Variants in SYT10 observed in about 807,000 individuals in gnomAD.
The protein encoded by SYT10 is synaptotagmin-10.
Under a neutral mutation model 51.1 loss-of-function variants are expected in SYT10, and 31 were observed. The ratio of observed to expected loss-of-function variants is 0.61; its 90% CI spans 0.46 to 0.82. The LOEUF (loss-of-function observed/expected upper bound fraction) is 0.82. Ranked by LOEUF, SYT10 falls within the 40% of genes least tolerant of loss-of-function variation. The pLI is 0.00. For missense variants in SYT10, 603 were observed against 634.0 expected, an observed-to-expected ratio of 0.95 and a Z score of 0.53; for synonymous variants, 233 against 225.9, an observed-to-expected ratio of 1.03 and a Z score of -0.28.
chr12:33,417,836 A>G (rs1008257917), intron 2 of SYT10, among the ~76,000 whole-genome samples: 1 of 152,194 alleles, frequency 6.6e-6, no homozygotes, highest in African/African-American at 2.4e-5. Context: ...TTGACCATGG[A>G]ATTGAAACTA....
chr12:33,439,491 C>G lies in SYT10; in HGVS notation c.32G>C (p.Ser11Thr). 6.2e-7 allele frequency: 1 copy of G among 1,614,002 alleles called. No individual in the cohort carries two copies. ...GATGTGCAGAGCCTTCTGGCACAGA[C>G]TGTTCACTCCGTCCTCCTTGTGGAA... MSFHKEDGVN[S>T]LCQKALHIVT... is the part of the protein sequence containing the mutation. The change falls in exon 1 of 7, where the codon AGT (serine) becomes ACT (threonine). Residue 11 changes from serine (S) to threonine (T), a missense_variant. Ser to Thr is a moderately conservative substitution (Grantham distance 58, BLOSUM62 1). Transcript: ENST00000228567.
At position 33,376,645 on chromosome 12, in the gene SYT10, C is replaced by G; in HGVS notation, c.*185G>C. 1.6e-6 allele frequency: 1 copy of G among 638,638 alleles called. No individual in the cohort carries two copies. The highest frequency in any genetic ancestry group is 2.7e-6 in the Non-Finnish European group (1 of 375,054). The allele number at this position is 638,638 out of a possible 1,614,324, so 39.6% of individuals were successfully genotyped here. A position where few individuals can be genotyped will look rare whatever the true frequency, so the allele number is the denominator to read the frequency against. On this transcript the variant is annotated 3_prime_UTR_variant, in exon 7 of 7. Transcript: ENST00000228567. The stretch of plus-strand genomic sequence containing the variant: ...TATGCAACTAAGGACTATATGTATT[C>G]AAGTAAAATGTATTGATGTTCAAAG...
chr12:33,419,968 G>A (rs2138427027), intron 2 of SYT10, among the ~76,000 whole-genome samples: 1 of 152,196 alleles, frequency 6.6e-6, no homozygotes, highest in South Asian at 2.1e-4. Flanking sequence ...CATAATTCTA[G>A]CTCTGGATCT....
rs767978313 is a variant in SYT10 at position 33,374,564 on chromosome 12, T to G, written c.*2266A>C. The G allele has an allele frequency of 6.6e-6, 1 of 151,916 alleles. No homozygotes were observed. Among genetic ancestry groups the G allele is most frequent in the African/African-American group, 2.4e-5 (1 of 41,432 alleles). 9.4% of individuals were successfully genotyped at this position (151,916 alleles called of 1,614,324 possible). A position where few individuals can be genotyped will look rare whatever the true frequency, so the allele number is the denominator to read the frequency against. On this transcript the variant is annotated 3_prime_UTR_variant, in exon 7 of 7. Transcript: ENST00000228567. ...ACTGTCATTTTTAACAATCATGCCT[T>G]ATTAATCTGAGCATAAACCTACCTC...
intron 3 of SYT10, among the ~76,000 whole-genome samples, chr12:33,403,665 T>C (rs1866325947): frequency 6.6e-6 from 1 of 152,200 alleles, no homozygotes; most frequent in South Asian, 2.1e-4. Flanking sequence ...TGCATTTCTT[T>C]TTATTTATTT....
rs1378603255 is a variant in SYT10 at position 33,376,215 on chromosome 12, T to A, written c.*615A>T. ...TTATATTCAAAATGATTCTTTAAAT[T>A]TACAGCTTTGTCTATGTATTTTAAA... On this transcript the variant is annotated 3_prime_UTR_variant, in exon 7 of 7. Transcript: ENST00000228567. 6.6e-6 allele frequency: 1 copy of A among 152,238 alleles called. No individual in the cohort carries two copies. Among genetic ancestry groups the A allele is most frequent in the Non-Finnish European group, 1.5e-5 (1 of 68,046 alleles). The allele number at this position is 152,238 out of a possible 1,614,324, so 9.4% of individuals were successfully genotyped here. A position where few individuals can be genotyped will look rare whatever the true frequency, so the allele number is the denominator to read the frequency against.
rs558944505 is a variant in SYT10, at chr12:33,418,056, C to T, written c.509+8082G>A. 1.3e-5 allele frequency among the ~76,000 whole-genome samples: 2 copies of T among 152,304 alleles called. 1 individual carries two copies. The highest frequency in any genetic ancestry group is 4.1e-4 in the South Asian group (2 of 4,826). On this transcript the variant is annotated intron_variant, in intron 2 of 6. Coordinates refer to ENST00000228567, the MANE Select transcript of SYT10 (RefSeq NM_198992.4). ...GAAAGAGTTGAGGACAGTATATTCA[C>T]TGTTCAAATTCTATTTAAACTTACT...
At chr12:33,421,414 G>C (rs1173143846) in intron 2 of SYT10, among the ~76,000 whole-genome samples, 1 of 152,090 alleles carries the variant, frequency 6.6e-6, no homozygotes, top group Non-Finnish European at 1.5e-5. Context: ...TATTTTGCCA[G>C]TTACTATTCA....
chr12:33,399,063 T>A (rs1176172028), intron 3 of SYT10, among the ~76,000 whole-genome samples: 2 of 152,200 alleles, frequency 1.3e-5, no homozygotes. Flanking sequence ...GGAGTTATAA[T>A]CTTTACCAGT....
chr12:33,433,590 C>T (rs963154098), intron 1 of SYT10, among the ~76,000 whole-genome samples: 1 of 152,078 alleles, frequency 6.6e-6, no homozygotes, highest in African/African-American at 2.4e-5. Flanking sequence ...TGACACAAAT[C>T]AATTATATTT....
At chr12:33,430,701 C>T (rs1057303467) in intron 1 of SYT10, among the ~76,000 whole-genome samples, 1 of 152,036 alleles carries the variant, frequency 6.6e-6, no homozygotes, top group Non-Finnish European at 1.5e-5. Context: ...TAATTTAGTT[C>T]ATCGGTATTC....
intron 6 of SYT10, among the ~76,000 whole-genome samples, 157 bp from the exon 7 acceptor site, chr12:33,377,058 T>C (rs1423290947): frequency 6.6e-6 from 1 of 152,194 alleles, no homozygotes; most frequent in Admixed American, 6.5e-5. Context: ...ACTTACCTTC[T>C]CTGCTACCAT....
intron 6 of SYT10, among the ~76,000 whole-genome samples, chr12:33,379,498 T>C (rs138368802): frequency 8.6e-6 from 1 of 116,868 alleles, no homozygotes; most frequent in South Asian, 2.9e-4. Context: ...CAGTTAGTAA[T>C]AAACTTATTA....
chr12:33,429,471 T>C (rs1216811043), intron 1 of SYT10, among the ~76,000 whole-genome samples: 1 of 152,212 alleles, frequency 6.6e-6, no homozygotes, highest in Non-Finnish European at 1.5e-5. Context: ...TCTTTCAAAA[T>C]TGGAGACCAA....
chr12:33,408,410 A>G (rs1866377709), intron 2 of SYT10: 1 of 152,188 alleles, frequency 6.6e-6, no homozygotes, highest in African/African-American at 2.4e-5. Context: ...AGTCACTATT[A>G]CTACTCATCT....
At position 33,439,348 on chromosome 12, in the gene SYT10, C is replaced by A. The variant is rs947995962; in HGVS notation, c.151+24G>T. On this transcript the variant is annotated intron_variant, in intron 1 of 6. Transcript: ENST00000228567. ...GCGGGGTCCCAGCGGAGCGCGAGGA[C>A]GCGAGCGGAGCCCTCCCGGTTACCT... 3 of 1,601,556 alleles carry A rather than the reference C, an allele frequency of 1.9e-6. No homozygotes were observed. In the Admixed American group the frequency reaches 5.1e-5, roughly 27 times the overall value.
At chr12:33,437,690 T>C (rs1469232865) in intron 1 of SYT10, among the ~76,000 whole-genome samples, 2 of 152,136 alleles carry the variant, frequency 1.3e-5, no homozygotes, top group African/African-American at 4.8e-5. Context: ...TCGTCCAGTG[T>C]AGCCCCTTCT....
At chr12:33,396,351 A>G (rs960437671) in intron 3 of SYT10, among the ~76,000 whole-genome samples, 1 of 152,190 alleles carries the variant, frequency 6.6e-6, no homozygotes, top group Non-Finnish European at 1.5e-5. Flanking sequence ...CAGAGATGAG[A>G]TATTTTAAAT....
At chr12:33,438,321 C>T (rs916107276) in intron 1 of SYT10, among the ~76,000 whole-genome samples, 2 of 152,184 alleles carry the variant, frequency 1.3e-5, no homozygotes, top group African/African-American at 4.8e-5. Flanking sequence ...GAATGGCAAC[C>T]TTCCAGTCGA....
Sources: gnomAD v4.1 joint callset for allele counts (sites outside exome capture counted in the v4.1 genomes callset) on GRCh38, gnomAD v4.1.1 for gene constraint, MANE v1.5 for transcripts, NCBI Gene and HGNC (gene_info 2026-07-23, HGNC 2026-07-21) for gene names.